PCDH15: variants seen among roughly 807,000 people sequenced by gnomAD.
PCDH15 encodes the protein protocadherin related 15.
Under a neutral mutation model 178.5 loss-of-function variants are expected in PCDH15, and 129 were observed. The ratio of observed to expected loss-of-function variants is 0.72; its 90% CI spans 0.63 to 0.84. PCDH15 has a LOEUF of 0.84. Among genes scored for constraint, PCDH15 ranks in the 40% least tolerant of loss-of-function variants. The pLI is 0.00. For missense variants in PCDH15, 2,230 were observed against 2,099.9 expected (o/e 1.06, Z -1.21); for synonymous variants, 800 against 732.0 (o/e 1.09, Z -1.50).
At chr10:54,167,767 A>G (rs1450753990) in intron 13 of PCDH15, among the ~76,000 whole-genome samples, 1 of 150,754 alleles carries the variant, frequency 6.6e-6, no homozygotes, top group African/African-American at 2.4e-5. Context: ...TCTGCGCCCC[A>G]ATCCCTTATT....
Position 54,726,293 on chromosome 10 carries a change from T to A in PCDH15, c.-28-62003A>T, listed in dbSNP as rs1312657417. Among the ~76,000 whole-genome samples, 7 of 151,700 alleles carry A rather than the reference T, an allele frequency of 4.6e-5. No homozygotes were observed. In the East Asian group the frequency reaches 1.2e-3, roughly 25 times the overall value. On this transcript the variant is annotated intron_variant, in intron 1 of 37. Transcript: ENST00000644397. ...AAATTTAGTTTCCTAAGAAAATAATTATTATTATAGAGAAACTATTTTGAA... is the reference window on the plus strand; with the variant it reads ...AAATTTAGTTTCCTAAGAAAATAATAATTATTATAGAGAAACTATTTTGAA...
At chr10:55,120,406 A>G (rs570623683) in intron 2 of PCDH15, among the ~76,000 whole-genome samples, 11 of 152,310 alleles carry the variant, frequency 7.2e-5, no homozygotes, top group Non-Finnish European at 1.0e-4. Flanking sequence ...CCAGGAGATG[A>G]GAAGACCAGG....
chr10:55,373,154 C>A (rs1010603060), intron 2 of PCDH15, among the ~76,000 whole-genome samples: 1 of 152,060 alleles, frequency 6.6e-6, no homozygotes, highest in Non-Finnish European at 1.5e-5. Context: ...TCTAAAGAAG[C>A]AGCAGAAGTA....
intron 2 of PCDH15, among the ~76,000 whole-genome samples, chr10:55,539,765 A>G (rs1841715960): frequency 6.6e-6 from 1 of 152,170 alleles, no homozygotes; most frequent in African/African-American, 2.4e-5. Flanking sequence ...GTATTTTAAT[A>G]CAGTTAATTT....
intron 10 of PCDH15, among the ~76,000 whole-genome samples, chr10:54,201,139 G>A (rs187551102): frequency 6.6e-6 from 1 of 152,264 alleles, no homozygotes; most frequent in Non-Finnish European, 1.5e-5. Context: ...TCTTGCTTCA[G>A]TGGATAGATA....
chr10:55,097,649 C>G (rs896209900), intron 2 of PCDH15, among the ~76,000 whole-genome samples: 1 of 151,958 alleles, frequency 6.6e-6, no homozygotes, highest in Non-Finnish European at 1.5e-5. Flanking sequence ...CACAACTAAG[C>G]ACAATTAAGG....
intron 17 of PCDH15, among the ~76,000 whole-genome samples, chr10:54,067,698 G>T (rs1161430529): frequency 6.6e-6 from 1 of 152,118 alleles, no homozygotes; most frequent in African/African-American, 2.4e-5. Context: ...AAGGTACAGA[G>T]AGAAAGAATA....
At chr10:55,107,028 A>T (rs147502249) in intron 2 of PCDH15, among the ~76,000 whole-genome samples, 166 of 152,360 alleles carry the variant, frequency 1.1e-3, no homozygotes, top group African/African-American at 3.9e-3. Context: ...ATAGAAAGCA[A>T]GATCTTTGCC....
chr10:55,143,147 C>G (rs965285965), intron 2 of PCDH15, among the ~76,000 whole-genome samples: 1 of 152,018 alleles, frequency 6.6e-6, no homozygotes, highest in Non-Finnish European at 1.5e-5. Context: ...CCTTCTGCCA[C>G]GATTGTAAGT....
chr10:54,699,719 T>C (rs933236478), intron 1 of PCDH15, among the ~76,000 whole-genome samples: 2 of 152,058 alleles, frequency 1.3e-5, no homozygotes, highest in Admixed American at 6.6e-5. Context: ...AGGAGAAATA[T>C]ATTCATATAT....
chr10:55,287,869 G>A (rs1842910575), intron 1 of PCDH15, among the ~76,000 whole-genome samples: 1 of 151,756 alleles, frequency 6.6e-6, no homozygotes, highest in Admixed American at 6.6e-5. Flanking sequence ...TCATATTTCA[G>A]CCACACCAAA....
Position 54,757,541 on chromosome 10 carries a change from A to C in PCDH15, c.-29+43384T>G, listed in dbSNP as rs1456198610. Among the ~76,000 whole-genome samples the C allele has an allele frequency of 4.2e-5, 6 of 141,204 alleles. 3 individuals are homozygous for C. Among genetic ancestry groups the C allele is most frequent in the African/African-American group, 1.6e-4 (6 of 38,670 alleles). 92.6% of individuals were successfully genotyped at this position (141,204 alleles called of 152,430 possible). A position where few individuals can be genotyped will look rare whatever the true frequency, so the allele number is the denominator to read the frequency against. ...CGTGATCCGCCCGTCTCGGCCTCCC[A>C]AAGTGCTGGGATTACAGGCGTGAGC... On this transcript the variant is annotated intron_variant, in intron 1 of 37. Transcript: ENST00000644397.
Position 54,307,531 on chromosome 10 carries a change from T to G in PCDH15, c.876+9740A>C, listed in dbSNP as rs533197053. On this transcript the variant is annotated intron_variant, in intron 8 of 37. Transcript: ENST00000644397. ...AAAGAAACAAAGGGAGCAAGATACC[T>G]CCCCGTCTGACATTTAAAATTTGAT... is the stretch of plus-strand genomic sequence containing the variant. 2.0e-5 allele frequency among the ~76,000 whole-genome samples: 3 copies of G among 151,926 alleles called. No homozygotes were observed. The East Asian group carries it at 5.9e-4, about 30-fold the overall frequency.
intron 6 of PCDH15, among the ~76,000 whole-genome samples, chr10:54,333,075 T>C (rs755222297): frequency 6.6e-6 from 1 of 152,098 alleles, no homozygotes. Context: ...TCTGAGTAGA[T>C]AGGACTACAG....
intron 2 of PCDH15, among the ~76,000 whole-genome samples, chr10:55,471,058 C>A (rs1440702019): frequency 6.6e-6 from 1 of 152,112 alleles, no homozygotes; most frequent in African/African-American, 2.4e-5. Flanking sequence ...TTTGTCCATT[C>A]ACCTACTAAA....
intron 2 of PCDH15, among the ~76,000 whole-genome samples, chr10:55,517,427 T>C (rs1841043823): frequency 6.6e-6 from 1 of 152,126 alleles, no homozygotes; most frequent in Non-Finnish European, 1.5e-5. Context: ...CCGTGACCCA[T>C]GAGCTCCAAA....
At chr10:55,453,156 G>T (rs1016500058) in intron 2 of PCDH15, among the ~76,000 whole-genome samples, 2 of 152,116 alleles carry the variant, frequency 1.3e-5, no homozygotes, top group Non-Finnish European at 2.9e-5. Flanking sequence ...TATTCCCTAT[G>T]AAGCATTTAG....
chr10:54,408,027 C>A (rs1177610197), intron 3 of PCDH15, among the ~76,000 whole-genome samples: 1 of 129,846 alleles, frequency 7.7e-6, no homozygotes. Context: ...TGAACTCCAG[C>A]CTGGGTGACA....
intron 35 of PCDH15, among the ~76,000 whole-genome samples, chr10:53,815,590 G>C (rs1260584434): frequency 6.6e-6 from 1 of 152,032 alleles, no homozygotes; most frequent in African/African-American, 2.4e-5. Flanking sequence ...TTTTAGCAAA[G>C]ACAGAATTCT....
Sources: allele counts gnomAD v4.1 joint callset (sites outside exome capture counted in the v4.1 genomes callset), GRCh38; gene constraint gnomAD v4.1.1; transcripts MANE v1.5; gene names NCBI Gene and HGNC (gene_info 2026-07-23, HGNC 2026-07-21).